Variants in ZNF248 observed in about 807,000 individuals in gnomAD.
The protein encoded by ZNF248 is zinc finger protein 248.
A neutral mutation model predicts 44.3 loss-of-function variants in ZNF248; 20 were observed. The ratio of observed to expected loss-of-function variants is 0.45; its 90% CI spans 0.32 to 0.66. ZNF248 has a LOEUF of 0.66. ZNF248 is among the 30% of genes least tolerant of loss of function. ZNF248 has a pLI of 0.04. For missense variants in ZNF248, 654 were observed against 677.0 expected (o/e 0.97, Z 0.38); for synonymous variants, 224 against 229.0 (o/e 0.98, Z 0.20).
intron 3 of ZNF248, among the ~76,000 whole-genome samples, chr10:37,844,846 C>A (rs1341502792): frequency 1.3e-5 from 2 of 152,120 alleles, no homozygotes; most frequent in African/African-American, 2.4e-5. Context: ...CAGCAACTGG[C>A]AGAAGTGAGT....
chr10:37,797,694 C>A (rs1208710), intron 6 of ZNF248, among the ~76,000 whole-genome samples: 9,109 of 151,936 alleles, frequency 0.06, 351 homozygotes, highest in Middle Eastern at 0.095. Context: ...GCCAACAAGC[C>A]CATGTAAAGA....
chr10:37,804,129 GT>G (rs2050204921), intron 6 of ZNF248, among the ~76,000 whole-genome samples: 1 of 146,476 alleles, frequency 6.8e-6, no homozygotes, highest in African/African-American at 2.5e-5. Flanking sequence ...TTGAGACAGG[GT>G]TTCTCTCTCT....
chr10:37,767,392 C>T, the ZNF248 span, among the ~76,000 whole-genome samples: 26 of 152,296 alleles, frequency 1.7e-4, no homozygotes, highest in African/African-American at 6.3e-4. Flanking sequence ...GGGTTACCCA[C>T]AAAGGGAAGC....
At position 37,832,440 on chromosome 10, in the gene ZNF248, G is replaced by T; in HGVS notation, c.915C>A (p.Ile305=). ...NPYEYNEYGE[I]FCDNSAFIIH... is the part of the protein sequence containing the mutation. Reference sequence around the variant, plus strand: ...TAATGAAAGCTGAATTGTCACAGAAGATTTCCCCATATTCATTATATTCAT... The same window carrying T: ...TAATGAAAGCTGAATTGTCACAGAATATTTCCCCATATTCATTATATTCAT... Residue 305 remains isoleucine (I), a synonymous_variant, in exon 6 of 6, where the codon ATC becomes ATA. Transcript: ENST00000395867. 1 of 1,613,960 alleles carries T rather than the reference G, an allele frequency of 6.2e-7. No individual in the cohort carries two copies. The highest frequency in any genetic ancestry group is 8.5e-7 in the Non-Finnish European group (1 of 1,179,930).
At position 37,829,388 on chromosome 10, in the gene ZNF248, T is replaced by G. The variant is rs1014881292; in HGVS notation, c.*2227A>C. The G allele has an allele frequency of 4.1e-6, 4 of 985,430 alleles. No individual in the cohort carries two copies. Among genetic ancestry groups the G allele is most frequent in the African/African-American group, 1.7e-5 (1 of 57,356 alleles). The allele number at this position is 985,430 out of a possible 1,614,324, so 61.0% of individuals were successfully genotyped here. ...AATATTTTTAGTTGGAGAATTCTGT[T>G]TTCCACCAGAAAGAACCATGGCTGA... On this transcript the variant is annotated 3_prime_UTR_variant, in exon 6 of 6. Transcript: ENST00000395867.
intron 6 of ZNF248, among the ~76,000 whole-genome samples, chr10:37,808,234 C>A (rs957327520): frequency 6.7e-6 from 1 of 149,984 alleles, no homozygotes; most frequent in African/African-American, 2.4e-5. Context: ...GATATATAAT[C>A]TTTTTTTCTT....
chr10:37,822,405 T>G (rs1307569230), intron 6 of ZNF248, among the ~76,000 whole-genome samples: 2 of 152,058 alleles, frequency 1.3e-5, no homozygotes, highest in Admixed American at 1.3e-4. Context: ...ATATATATAT[T>G]AAACAAAAAT....
intron 6 of ZNF248, among the ~76,000 whole-genome samples, chr10:37,787,454 T>C (rs1218821214): frequency 1.3e-5 from 2 of 152,116 alleles, no homozygotes; most frequent in East Asian, 1.9e-4. Flanking sequence ...GTGTCACTGG[T>C]CAACTGATCT....
In ZNF248 at chr10:37,831,709, T is replaced by G. The variant is rs1278842080; in HGVS notation, c.1646A>C (p.Glu549Ala). The G allele has an allele frequency of 6.2e-7, 1 of 1,613,854 alleles. No individual in the cohort carries two copies. Among genetic ancestry groups the G allele is most frequent in the Non-Finnish European group, 8.5e-7 (1 of 1,179,888 alleles). The change falls in exon 6 of 6, where the codon GAG becomes GCG. Residue 549 changes from glutamate to alanine, a missense_variant. Coordinates refer to ENST00000395867, the MANE Select transcript of ZNF248 (RefSeq NM_021045.3). ...AAAGGTCTTCCCACATGCATTACAC[T>G]CATACGGCTTCTCCCCTGTGTGAGT... is the stretch of plus-strand genomic sequence containing the variant. ...QRTHTGEKPY[E>A]CNACGKTFSQ...
intron 3 of ZNF248, among the ~76,000 whole-genome samples, chr10:37,852,459 G>A (rs902052046): frequency 2.6e-5 from 4 of 151,990 alleles, no homozygotes; most frequent in Admixed American, 6.6e-5. Context: ...ATTAATTTAG[G>A]GAGGAGTAGG....
intron 3 of ZNF248, among the ~76,000 whole-genome samples, chr10:37,848,605 A>G (rs1382491669): frequency 6.6e-6 from 1 of 151,186 alleles, no homozygotes; most frequent in Non-Finnish European, 1.5e-5. Flanking sequence ...AAAAAAGAAT[A>G]CTCCTGGGAA....
At chr10:37,790,483 G>A (rs1319986156) in intron 6 of ZNF248, among the ~76,000 whole-genome samples, 6 of 151,716 alleles carry the variant, frequency 4.0e-5, no homozygotes, top group African/African-American at 7.3e-5. Context: ...AGGCTGAGAC[G>A]GGCAGATCAC....
At chr10:37,775,350 T>C (rs913733023), downstream of ZNF248, 3 of 152,172 alleles carry the variant, frequency 2.0e-5, no homozygotes, top group African/African-American at 7.2e-5. Flanking sequence ...TCACCTGGCA[T>C]TTGCTTTTTT....
intron 6 of ZNF248, chr10:37,796,200 C>T (rs2133145050): frequency 6.6e-6 from 1 of 151,870 alleles, no homozygotes; most frequent in African/African-American, 2.4e-5. Flanking sequence ...GTGGTGTTCT[C>T]CAAACACAAA....
intron 6 of ZNF248, among the ~76,000 whole-genome samples, chr10:37,779,191 G>T (rs1431091106): frequency 6.6e-6 from 1 of 152,110 alleles, no homozygotes; most frequent in East Asian, 1.9e-4. Flanking sequence ...TGATACCAAA[G>T]CCAGGCAGAG....
downstream of ZNF248, among the ~76,000 whole-genome samples, chr10:37,774,481 G>A (rs568558748): frequency 2.0e-5 from 3 of 152,266 alleles, no homozygotes; most frequent in East Asian, 5.8e-4. Flanking sequence ...TATGTAATCT[G>A]TCAAGAAAAA....
At chr10:37,781,951 A>G (rs1484220549) in intron 6 of ZNF248, among the ~76,000 whole-genome samples, 1 of 152,208 alleles carries the variant, frequency 6.6e-6, no homozygotes, top group Non-Finnish European at 1.5e-5. Context: ...GTAATTGTGT[A>G]ATTTCTACTC....
chr10:37,840,879 C>T (rs556907093), intron 3 of ZNF248, among the ~76,000 whole-genome samples: 3 of 152,212 alleles, frequency 2.0e-5, no homozygotes, highest in Admixed American at 6.5e-5. Context: ...ACTTCTGGTA[C>T]CAGAAAATGA....
intron 6 of ZNF248, among the ~76,000 whole-genome samples, chr10:37,797,062 G>A (rs151229767): frequency 1.3e-5 from 2 of 152,050 alleles, no homozygotes; most frequent in Non-Finnish European, 2.9e-5. Context: ...TTTGAGATAG[G>A]TTATATTATT....
Sources: allele counts gnomAD v4.1 joint callset (sites outside exome capture counted in the v4.1 genomes callset), GRCh38; gene constraint gnomAD v4.1.1; transcripts MANE v1.5; gene names NCBI Gene and HGNC (gene_info 2026-07-23, HGNC 2026-07-21).